PDSS2: variants seen among roughly 807,000 people sequenced by gnomAD.
PDSS2 encodes the protein decaprenyl diphosphate synthase subunit 2.
In PDSS2, 31 loss-of-function variants were observed where a neutral mutation model predicts 44.5. That is an observed-to-expected ratio of 0.70 (90% CI 0.52 to 0.94). The LOEUF (loss-of-function observed/expected upper bound fraction) is 0.94, where lower values mean the gene tolerates loss of function less well. Ranked by LOEUF, PDSS2 falls within the 40% of genes least tolerant of loss-of-function variation. The probability of loss-of-function intolerance (pLI) is 0.00; values close to 1 mark genes in which losing one functional copy is unlikely to be tolerated. For synonymous variants in PDSS2, 157 were observed against 180.3 expected (o/e 0.87, Z 1.03); for missense variants, 452 against 482.2 (o/e 0.94, Z 0.59).
intron 1 of PDSS2, among the ~76,000 whole-genome samples, chr6:107,451,282 T>C (rs897569677): frequency 2.6e-5 from 4 of 152,340 alleles, no homozygotes; most frequent in Admixed American, 6.5e-5. Flanking sequence ...TTCTAATTGG[T>C]ACATAGTAGT....
At chr6:107,344,074 T>A (rs909132132) in intron 1 of PDSS2, among the ~76,000 whole-genome samples, 1 of 152,190 alleles carries the variant, frequency 6.6e-6, no homozygotes, top group Non-Finnish European at 1.5e-5. Flanking sequence ...AAGTGACATT[T>A]AATGAACTCC....
chr6:107,282,053 G>A (rs1322141855), intron 2 of PDSS2, among the ~76,000 whole-genome samples: 1 of 152,052 alleles, frequency 6.6e-6, no homozygotes, highest in African/African-American at 2.4e-5. Context: ...TTACAGGCAT[G>A]TGCCACAATA....
intron 1 of PDSS2, among the ~76,000 whole-genome samples, chr6:107,357,383 A>C (rs1194341526): frequency 6.6e-6 from 1 of 152,154 alleles, no homozygotes; most frequent in Non-Finnish European, 1.5e-5. Context: ...CCAGAGTCTA[A>C]TTTAATATAA....
chr6:107,199,402 G>A (rs1285719652), intron 6 of PDSS2, among the ~76,000 whole-genome samples: 1 of 152,208 alleles, frequency 6.6e-6, no homozygotes, highest in Admixed American at 6.5e-5. Context: ...TCAGGTTCAA[G>A]TGATCCTCCT....
At chr6:107,260,913 C>G (rs1232071392) in intron 3 of PDSS2, among the ~76,000 whole-genome samples, 1 of 152,152 alleles carries the variant, frequency 6.6e-6, no homozygotes, top group Admixed American at 6.5e-5. Flanking sequence ...CTGCCCACCT[C>G]AGACACCCAA....
intron 1 of PDSS2, among the ~76,000 whole-genome samples, chr6:107,404,183 G>A (rs1209435910): frequency 2.0e-5 from 3 of 152,080 alleles, no homozygotes; most frequent in South Asian, 2.1e-4. Flanking sequence ...AGTCACCTTC[G>A]GTCCAGTTCC....
intron 1 of PDSS2, among the ~76,000 whole-genome samples, chr6:107,354,952 C>T (rs532277340): frequency 1.1e-4 from 17 of 150,984 alleles, no homozygotes; most frequent in Admixed American, 3.3e-4. Context: ...TTTTTTGAGA[C>T]GCAGTTCCAC....
At chr6:107,157,906 C>G (rs543465685) in intron 7 of PDSS2, among the ~76,000 whole-genome samples, 1 of 151,748 alleles carries the variant, frequency 6.6e-6, no homozygotes, top group African/African-American at 2.4e-5. Flanking sequence ...CTCCTGACCT[C>G]GTGATCTGCC....
chr6:107,428,639 G>A (rs1781077432), intron 1 of PDSS2, among the ~76,000 whole-genome samples: 1 of 152,044 alleles, frequency 6.6e-6, no homozygotes, highest in African/African-American at 2.4e-5. Context: ...ACCATCCTTG[G>A]CAATATAGTG....
chr6:107,431,031 GT>G (rs1781178765), intron 1 of PDSS2, among the ~76,000 whole-genome samples: 1 of 152,142 alleles, frequency 6.6e-6, no homozygotes, highest in Non-Finnish European at 1.5e-5. Flanking sequence ...ATCACGTTGG[GT>G]TCTGTCACCT....
At chr6:107,307,999 T>C (rs1283807599) in intron 2 of PDSS2, among the ~76,000 whole-genome samples, 2 of 152,186 alleles carry the variant, frequency 1.3e-5, no homozygotes. Context: ...TTTCCCCCTT[T>C]AGAGGCCTTC....
intron 7 of PDSS2, among the ~76,000 whole-genome samples, chr6:107,172,359 C>G (rs1285772988): frequency 6.6e-6 from 1 of 152,152 alleles, no homozygotes; most frequent in South Asian, 2.1e-4. Flanking sequence ...GTGGAGGCAG[C>G]AGCCACTTCT....
intron 2 of PDSS2, among the ~76,000 whole-genome samples, chr6:107,327,521 G>A (rs992053400): frequency 2.6e-5 from 4 of 152,206 alleles, no homozygotes; most frequent in Non-Finnish European, 4.4e-5. Context: ...GCAGTGGCAC[G>A]AACCTGGCTC....
At chr6:107,233,736 C>T (rs1041315262) in intron 4 of PDSS2, among the ~76,000 whole-genome samples, 2 of 152,040 alleles carry the variant, frequency 1.3e-5, no homozygotes, top group Non-Finnish European at 1.5e-5. Context: ...TCCCTTAAGC[C>T]CAGGAGTCTG....
At chr6:107,221,387 A>G (rs1773603124) in intron 4 of PDSS2, among the ~76,000 whole-genome samples, 1 of 149,756 alleles carries the variant, frequency 6.7e-6, no homozygotes, top group South Asian at 2.1e-4. Flanking sequence ...CTATATCATC[A>G]ACTTACATAT....
At chr6:107,192,578 G>C (rs1183481722) in intron 7 of PDSS2, 3 of 273,978 alleles carry the variant, frequency 1.1e-5, no homozygotes, top group African/African-American at 6.8e-5. Context: ...AAGTATCCCT[G>C]TCAACCTAAA....
intron 1 of PDSS2, among the ~76,000 whole-genome samples, chr6:107,432,737 G>A (rs747182433): frequency 1.3e-5 from 2 of 151,654 alleles, no homozygotes; most frequent in Non-Finnish European, 2.9e-5. Context: ...CAGCCTGGGC[G>A]ACTGAGGGAG....
intron 1 of PDSS2, among the ~76,000 whole-genome samples, chr6:107,343,768 T>C (rs1042059702): frequency 6.6e-6 from 1 of 152,212 alleles, no homozygotes; most frequent in African/African-American, 2.4e-5. Flanking sequence ...TTAAACCTGG[T>C]GTCATTGTAT....
intron 1 of PDSS2, among the ~76,000 whole-genome samples, chr6:107,339,154 T>C (rs1274377035): frequency 6.6e-6 from 1 of 152,236 alleles, no homozygotes; most frequent in Non-Finnish European, 1.5e-5. Context: ...TTTAAGAAGC[T>C]GCACGGACTC....
Sources: allele counts gnomAD v4.1 joint callset (sites outside exome capture counted in the v4.1 genomes callset), GRCh38; gene constraint gnomAD v4.1.1; transcripts MANE v1.5; gene names NCBI Gene and HGNC (gene_info 2026-07-23, HGNC 2026-07-21).